The following MGAT4A variants were observed in gnomAD, a reference collection of about 807,000 sequenced individuals.
MGAT4A encodes the protein N-acetylglucosaminyltransferase IVa.
In MGAT4A, 33 loss-of-function variants were observed where a neutral mutation model predicts 74.1. The observed-to-expected ratio is 0.45, with a 90% CI of 0.34 to 0.60. The LOEUF (loss-of-function observed/expected upper bound fraction) is 0.60. MGAT4A is among the 20% of genes least tolerant of loss of function. MGAT4A has a pLI of 0.02. For synonymous variants in MGAT4A, 198 were observed against 210.4 expected (o/e 0.94, Z 0.51); for missense variants, 479 against 628.3 (o/e 0.76, Z 2.54).
chr2:98,643,952 C>A lies in MGAT4A; in HGVS notation c.991G>T (p.Val331Leu). ...TCTTTTTCAGGGTTGCAGACTTTCA[C>A]CCAGAGAATATGGTCCAGGAGCCAA... ...IDWLLDHILW[V>L]KVCNPEKDAK... The change falls in exon 10 of 16, where the codon GTG becomes TTG. Residue 331 changes from valine to leucine, a missense_variant. This residue lies in a region of MGAT4A where 236 missense variants were observed against 308.2 expected (regional missense o/e 0.77). Transcript: ENST00000393487. The A allele has an allele frequency of 6.4e-7, 1 of 1,571,388 alleles. No individual in the cohort carries two copies. The highest frequency in any genetic ancestry group is 8.7e-7 in the Non-Finnish European group (1 of 1,152,370).
At chr2:98,685,958 C>T (rs556380130) in intron 2 of MGAT4A, among the ~76,000 whole-genome samples, 1 of 152,274 alleles carries the variant, frequency 6.6e-6, no homozygotes, top group South Asian at 2.1e-4. Context: ...TCTAGTCTAC[C>T]AGTTCCTTCT....
intron 1 of MGAT4A, chr2:98,726,849 C>T (rs1249874848): frequency 6.6e-6 from 1 of 152,554 alleles, no homozygotes; most frequent in East Asian, 1.9e-4. Context: ...AAAAGTGGAG[C>T]TCACAGATTC....
intron 2 of MGAT4A, among the ~76,000 whole-genome samples, chr2:98,703,425 T>C (rs1336332740): frequency 6.6e-6 from 1 of 151,936 alleles, no homozygotes; most frequent in Non-Finnish European, 1.5e-5. Flanking sequence ...GAGTATAGGA[T>C]ACCCCCAAGC....
At chr2:98,646,285 C>A (rs1701484255) in intron 8 of MGAT4A, among the ~76,000 whole-genome samples, 1 of 151,940 alleles carries the variant, frequency 6.6e-6, no homozygotes, top group East Asian at 1.9e-4. Context: ...GCAATGAGCA[C>A]CTTTAAGCGC....
chr2:98,685,622 TGAAAC>T (rs1702118449), intron 2 of MGAT4A, among the ~76,000 whole-genome samples: 2 of 152,120 alleles, frequency 1.3e-5, no homozygotes, highest in African/African-American at 4.8e-5. Flanking sequence ...GCAGTCCAAA[TGAAAC>T]AGGCTGAAAG....
In MGAT4A at chr2:98,624,448, CTCACTTA is replaced by C. The variant is rs2104207239; in HGVS notation, c.*1111_*1117del. 1.0e-6 allele frequency: 1 copy of C among 966,920 alleles called. No homozygotes were observed. Among genetic ancestry groups the C allele is most frequent in the Non-Finnish European group, 1.2e-6 (1 of 813,210 alleles). 59.9% of individuals were successfully genotyped at this position (966,920 alleles called of 1,614,324 possible). On this transcript the variant is annotated 3_prime_UTR_variant, in exon 16 of 16. Coordinates refer to ENST00000393487, the MANE Select transcript of MGAT4A (RefSeq NM_012214.3). ...TAAATACAGTCTCTTGGACACGGGA[CTCACTTA>C]TCAGTTCATACTACAATAAAATCAT...
chr2:98,710,393 A>G (rs2104324137), intron 2 of MGAT4A, among the ~76,000 whole-genome samples: 1 of 152,354 alleles, frequency 6.6e-6, no homozygotes, highest in African/African-American at 2.4e-5. Flanking sequence ...AAAAAAAGTT[A>G]TTCCAAAAAA....
chr2:98,621,480 T>C lies in MGAT4A; in HGVS notation c.*4086A>G. Reference sequence around the variant, plus strand: ...TCCTTCTGCTTTGTCTCTTGACTTCTGCCACCAGCCCGAGAAAACTCTCTG... The same window carrying C: ...TCCTTCTGCTTTGTCTCTTGACTTCCGCCACCAGCCCGAGAAAACTCTCTG... On this transcript the variant is annotated 3_prime_UTR_variant, in exon 16 of 16. Coordinates refer to ENST00000393487, the MANE Select transcript of MGAT4A (RefSeq NM_012214.3). 6.4e-7 allele frequency: 1 copy of C among 1,551,726 alleles called. No homozygotes were observed. Among genetic ancestry groups the C allele is most frequent in the African/African-American group, 1.4e-5 (1 of 73,176 alleles).
intron 2 of MGAT4A, among the ~76,000 whole-genome samples, chr2:98,715,042 G>C (rs900314985): frequency 6.6e-6 from 1 of 152,146 alleles, no homozygotes; most frequent in Non-Finnish European, 1.5e-5. Flanking sequence ...AGGGCTGGGC[G>C]TGGTGACTCA....
Position 98,625,306 on chromosome 2 carries a change from A to C in MGAT4A, c.*260T>G. On this transcript the variant is annotated 3_prime_UTR_variant, in exon 16 of 16. Transcript: ENST00000393487. Reference sequence around the variant, plus strand: ...ATGTACAACTCTTATGTATTAGTATAATACCAAAATAGTACAAGTCATATT... The same window carrying C: ...ATGTACAACTCTTATGTATTAGTATCATACCAAAATAGTACAAGTCATATT... The C allele has an allele frequency of 8.3e-7, 1 of 1,210,050 alleles. No individual in the cohort carries two copies. The highest frequency in any genetic ancestry group is 3.7e-5 in the East Asian group (1 of 27,124). 75.0% of individuals were successfully genotyped at this position (1,210,050 alleles called of 1,614,324 possible).
intron 2 of MGAT4A, among the ~76,000 whole-genome samples, chr2:98,724,441 A>T (rs1418681571): frequency 6.6e-6 from 1 of 152,220 alleles, no homozygotes; most frequent in Non-Finnish European, 1.5e-5. Context: ...ATTTTATGTA[A>T]CCATAACCAG....
rs757886134 is a variant in MGAT4A at position 98,622,181 on chromosome 2, T to C, written c.*3385A>G. ...TCATTTGCATTATGTTCTATTCCCA[T>C]GTCTGCTTTTAACCTCATGAGAATG... On this transcript the variant is annotated 3_prime_UTR_variant, in exon 16 of 16. Transcript: ENST00000393487. The C allele has an allele frequency of 3.5e-5, 34 of 985,478 alleles. No individual in the cohort carries two copies. Among genetic ancestry groups the C allele is most frequent in the Non-Finnish European group, 4.1e-5 (34 of 829,950 alleles). 61.0% of individuals were successfully genotyped at this position (985,478 alleles called of 1,614,324 possible).
intron 5 of MGAT4A, among the ~76,000 whole-genome samples, chr2:98,659,252 A>T (rs1484617113): frequency 6.6e-6 from 1 of 152,206 alleles, no homozygotes; most frequent in Non-Finnish European, 1.5e-5. Context: ...TCAAAGTGAA[A>T]CCACTTTCTA....
chr2:98,634,462 A>T (rs1472662314), intron 14 of MGAT4A, among the ~76,000 whole-genome samples: 1 of 151,980 alleles, frequency 6.6e-6, no homozygotes, highest in African/African-American at 2.4e-5. Flanking sequence ...AAAGTCACAG[A>T]TGTGAAGGTG....
intron 2 of MGAT4A, among the ~76,000 whole-genome samples, chr2:98,721,488 A>G (rs1702670181): frequency 6.6e-6 from 1 of 152,212 alleles, no homozygotes; most frequent in African/African-American, 2.4e-5. Flanking sequence ...TATCAGTAAT[A>G]TAATTGCCAG....
chr2:98,656,512 A>G, intron 6 of MGAT4A, 47 bp from the exon 7 acceptor site: 1 of 1,310,122 alleles, frequency 7.6e-7, no homozygotes, highest in Non-Finnish European at 1.1e-6. Context: ...GTGGGATTTT[A>G]TTTATCTTAA....
At chr2:98,660,418 G>GCACGCACA (rs1553537217) in intron 5 of MGAT4A, among the ~76,000 whole-genome samples, 11 of 141,642 alleles carry the variant, frequency 7.8e-5, no homozygotes, top group Non-Finnish European at 1.4e-4. Flanking sequence ...ACACGCACGC[G>GCACGCACA]CACACACACA....
rs184279097 is a variant in MGAT4A at position 98,682,682 on chromosome 2, G to A, written c.95-4211C>T. Among the ~76,000 whole-genome samples, 7 of 150,878 alleles carry A rather than the reference G, an allele frequency of 4.6e-5. No homozygotes were observed. In the Admixed American group the frequency reaches 4.7e-4, roughly 10 times the overall value. On this transcript the variant is annotated intron_variant, in intron 2 of 15. Coordinates refer to ENST00000393487, the MANE Select transcript of MGAT4A (RefSeq NM_012214.3). ...TAATGGGACAGAGATCACGTGCCTCGTGAAGTGAACCCCAGAGGACACCCC... is the reference window on the plus strand; with the variant it reads ...TAATGGGACAGAGATCACGTGCCTCATGAAGTGAACCCCAGAGGACACCCC...
chr2:98,715,271 T>C (rs1198251941), intron 2 of MGAT4A, among the ~76,000 whole-genome samples: 1 of 146,280 alleles, frequency 6.8e-6, no homozygotes, highest in African/African-American at 2.6e-5. Context: ...TGAGCCAAGA[T>C]TGTGCCACTG....
Sources: gnomAD v4.1 joint callset for allele counts (sites outside exome capture counted in the v4.1 genomes callset) on GRCh38, gnomAD v4.1.1 for gene constraint, gnomAD v4.1.1 regional missense constraint, MANE v1.5 for transcripts, NCBI Gene and HGNC (gene_info 2026-07-23, HGNC 2026-07-21) for gene names.